Variants in CAMKMT observed in about 807,000 individuals in gnomAD.
The protein encoded by CAMKMT is CaM KMT.
A neutral mutation model predicts 48.0 loss-of-function variants in CAMKMT; 53 were observed. The observed-to-expected ratio is 1.10, with a 90% confidence interval of 0.89 to 1.39. CAMKMT has a LOEUF of 1.39. Among genes scored for constraint, CAMKMT ranks in the 40% most tolerant of loss-of-function variants. The probability of loss-of-function intolerance (pLI) is 0.00; values close to 1 mark genes in which losing one functional copy is unlikely to be tolerated. For missense variants in CAMKMT, 428 were observed against 402.7 expected (o/e 1.06, Z -0.54); for synonymous variants, 165 against 152.3 (o/e 1.08, Z -0.61).
At chr2:44,489,775 A>C (rs965699927) in intron 3 of CAMKMT, among the ~76,000 whole-genome samples, 3 of 152,090 alleles carry the variant, frequency 2.0e-5, no homozygotes, top group African/African-American at 7.2e-5. Flanking sequence ...AACAAGAAAA[A>C]CCTAATTTAA....
chr2:44,748,413 G>A (rs1278134983), intron 8 of CAMKMT, among the ~76,000 whole-genome samples: 1 of 151,628 alleles, frequency 6.6e-6, no homozygotes. Flanking sequence ...TTTTTCTAAC[G>A]ATCTTACCGG....
At chr2:44,372,454 A>C (rs1370195131) in intron 1 of CAMKMT, among the ~76,000 whole-genome samples, 1 of 142,128 alleles carries the variant, frequency 7.0e-6, no homozygotes, top group Non-Finnish European at 1.6e-5. Context: ...GTGACAAAGT[A>C]AGATCCTGTC....
intron 3 of CAMKMT, among the ~76,000 whole-genome samples, chr2:44,425,717 A>G (rs1225599052): frequency 1.3e-5 from 2 of 151,478 alleles, no homozygotes; most frequent in South Asian, 2.1e-4. Flanking sequence ...CTCTGGTTCT[A>G]TGTAGTATTC....
At chr2:44,410,900 A>T (rs191126260) in intron 3 of CAMKMT, among the ~76,000 whole-genome samples, 3 of 152,300 alleles carry the variant, frequency 2.0e-5, no homozygotes, top group East Asian at 3.9e-4. Context: ...TTTTAAAATG[A>T]AATGTATCAT....
At chr2:44,468,962 ATGTT>A (rs549988679) in intron 3 of CAMKMT, among the ~76,000 whole-genome samples, 114 of 152,154 alleles carry the variant, frequency 7.5e-4, no homozygotes, top group African/African-American at 2.5e-3. Context: ...AGAAAAATGT[ATGTT>A]CTCACTCGTG....
intron 3 of CAMKMT, among the ~76,000 whole-genome samples, chr2:44,519,748 C>T (rs1011462943): frequency 6.6e-6 from 1 of 152,154 alleles, no homozygotes; most frequent in Non-Finnish European, 1.5e-5. Flanking sequence ...TCAACATGCA[C>T]TATTTCATTT....
At chr2:44,608,375 T>C (rs1040623244) in intron 3 of CAMKMT, among the ~76,000 whole-genome samples, 10 of 152,028 alleles carry the variant, frequency 6.6e-5, no homozygotes, top group African/African-American at 2.4e-4. Flanking sequence ...CCCAGCCTAT[T>C]TTCCTTTTTT....
At chr2:44,521,934 T>C (rs547216459) in intron 3 of CAMKMT, among the ~76,000 whole-genome samples, 1 of 152,304 alleles carries the variant, frequency 6.6e-6, no homozygotes, top group African/African-American at 2.4e-5. Context: ...GTAACCATTT[T>C]TAAGTGTACA....
At chr2:44,603,203 C>T (rs577475771) in intron 3 of CAMKMT, among the ~76,000 whole-genome samples, 1 of 152,180 alleles carries the variant, frequency 6.6e-6, no homozygotes, top group East Asian at 1.9e-4. Flanking sequence ...ATTCTCGTGC[C>T]TCAGCCTCCT....
At chr2:44,363,402 G>T (rs1678196349) in intron 1 of CAMKMT, among the ~76,000 whole-genome samples, 1 of 151,684 alleles carries the variant, frequency 6.6e-6, no homozygotes. Context: ...TTGAAATGGA[G>T]TTTCCCTCTT....
intron 3 of CAMKMT, among the ~76,000 whole-genome samples, chr2:44,495,698 G>T (rs1669721358): frequency 6.6e-6 from 1 of 152,174 alleles, no homozygotes; most frequent in South Asian, 2.1e-4. Context: ...GAGCAAGGCA[G>T]ATTTGGACCC....
chr2:44,699,815 T>C (rs921199685), intron 3 of CAMKMT, among the ~76,000 whole-genome samples: 1 of 152,150 alleles, frequency 6.6e-6, no homozygotes, highest in Non-Finnish European at 1.5e-5. Flanking sequence ...TTTAGAATGG[T>C]GCAGAGCATT....
At chr2:44,769,661 T>A (rs187162407) in intron 10 of CAMKMT, among the ~76,000 whole-genome samples, 75 of 152,148 alleles carry the variant, frequency 4.9e-4, no homozygotes, top group Admixed American at 4.2e-3. Context: ...TTTTTTTTTA[T>A]AAACTTTCGC....
At chr2:44,665,687 G>A (rs907134284) in intron 3 of CAMKMT, among the ~76,000 whole-genome samples, 3 of 152,096 alleles carry the variant, frequency 2.0e-5, no homozygotes, top group East Asian at 3.8e-4. Context: ...GGTGAAAAGG[G>A]GGTTGTACTC....
chr2:44,428,213 T>C (rs1440699390), intron 3 of CAMKMT, among the ~76,000 whole-genome samples: 2 of 152,100 alleles, frequency 1.3e-5, no homozygotes, highest in Non-Finnish European at 2.9e-5. Flanking sequence ...GAGATTTCAT[T>C]GAGTGGTGGA....
chr2:44,640,110 C>G (rs1189720428), intron 3 of CAMKMT, among the ~76,000 whole-genome samples: 1 of 152,012 alleles, frequency 6.6e-6, no homozygotes, highest in South Asian at 2.1e-4. Context: ...TCACATTAAA[C>G]AACAGATAAT....
intron 3 of CAMKMT, among the ~76,000 whole-genome samples, chr2:44,615,404 C>G (rs562325241): frequency 3.3e-5 from 5 of 152,026 alleles, no homozygotes; most frequent in African/African-American, 1.2e-4. Context: ...ACGGCTATGG[C>G]CAGGGGAATC....
At chr2:44,445,882 A>G (rs1370639070) in intron 3 of CAMKMT, among the ~76,000 whole-genome samples, 1 of 151,910 alleles carries the variant, frequency 6.6e-6, no homozygotes, top group Non-Finnish European at 1.5e-5. Flanking sequence ...GAAGTCTCGG[A>G]CAATGACCCC....
chr2:44,454,517 C>G (rs1214113533), intron 3 of CAMKMT, among the ~76,000 whole-genome samples: 2 of 152,118 alleles, frequency 1.3e-5, no homozygotes, highest in African/African-American at 4.8e-5. Flanking sequence ...CTTCATTACC[C>G]CTTCATGCTT....
Sources: gnomAD v4.1 joint callset for allele counts (sites outside exome capture counted in the v4.1 genomes callset) on GRCh38, gnomAD v4.1.1 for gene constraint, MANE v1.5 for transcripts, NCBI Gene and HGNC (gene_info 2026-07-23, HGNC 2026-07-21) for gene names.